TLK1: variants seen among roughly 807,000 people sequenced by gnomAD.
TLK1 encodes serine/threonine-protein kinase tousled-like 1.
A neutral mutation model predicts 105.3 loss-of-function variants in TLK1; 24 were observed. That is an observed-to-expected ratio of 0.23 (90% confidence interval 0.17 to 0.32). TLK1 has a LOEUF of 0.32. Among genes scored for constraint, TLK1 ranks in the 10% least tolerant of loss-of-function variants. The pLI is 1.00. For synonymous variants in TLK1, 321 were observed against 310.4 expected (o/e 1.03, Z -0.36); for missense variants, 558 against 910.5 (o/e 0.61, Z 4.98).
rs567813282 is a variant in TLK1, at chr2:171,115,424, C to T, written c.258+2315G>A. 3.9e-5 allele frequency among the ~76,000 whole-genome samples: 6 copies of T among 152,202 alleles called. No homozygotes were observed. In the South Asian group the frequency reaches 8.3e-4, roughly 21 times the overall value. ...CTGACCTCAGGTGACCCGCCCACCT[C>T]GGCCTCCCAAAGTGCTGGGATTACA... On this transcript the variant is annotated intron_variant, in intron 2 of 20. Coordinates refer to ENST00000431350, the MANE Select transcript of TLK1 (RefSeq NM_012290.5).
chr2:171,038,802 T>C (rs1270475616), intron 11 of TLK1, among the ~76,000 whole-genome samples: 5 of 152,206 alleles, frequency 3.3e-5, no homozygotes, highest in Non-Finnish European at 7.4e-5. Flanking sequence ...ATTCTGCAGA[T>C]GTTGGGAGGT....
intron 1 of TLK1, among the ~76,000 whole-genome samples, chr2:171,122,912 G>A (rs540721032): frequency 1.3e-5 from 2 of 151,980 alleles, no homozygotes; most frequent in East Asian, 1.9e-4. Flanking sequence ...GGTGGCGGAT[G>A]CCTGTAATCC....
chr2:171,146,163 A>G (rs900070174), intron 1 of TLK1, among the ~76,000 whole-genome samples: 1 of 152,190 alleles, frequency 6.6e-6, no homozygotes, highest in Admixed American at 6.5e-5. Context: ...TATACTCATT[A>G]AAGTATCATA....
At chr2:171,215,737 G>T (rs1475510546) in intron 1 of TLK1, among the ~76,000 whole-genome samples, 2 of 152,160 alleles carry the variant, frequency 1.3e-5, no homozygotes, top group South Asian at 4.1e-4. Flanking sequence ...GTCTGTCAGA[G>T]GCCAAGAAAG....
At chr2:171,204,185 A>AG (rs1693457212) in intron 1 of TLK1, among the ~76,000 whole-genome samples, 1 of 152,266 alleles carries the variant, frequency 6.6e-6, no homozygotes, top group Non-Finnish European at 1.5e-5. Context: ...GAGATCGATT[A>AG]GAATATTTCT....
At chr2:171,080,493 C>A (rs1017687154) in intron 3 of TLK1, among the ~76,000 whole-genome samples, 4 of 149,336 alleles carry the variant, frequency 2.7e-5, no homozygotes, top group Non-Finnish European at 4.4e-5. Context: ...ACAGATAAAA[C>A]CTGGGAATCA....
intron 2 of TLK1, among the ~76,000 whole-genome samples, chr2:171,109,199 A>G (rs1690058037): frequency 1.3e-5 from 2 of 152,244 alleles, no homozygotes; most frequent in South Asian, 4.1e-4. Context: ...CAGCTATTAG[A>G]TATGAAATGT....
At chr2:171,019,370 T>C (rs1575520340) in intron 12 of TLK1, among the ~76,000 whole-genome samples, 1 of 152,300 alleles carries the variant, frequency 6.6e-6, no homozygotes, top group African/African-American at 2.4e-5. Flanking sequence ...AAGAAAATGG[T>C]AGGTGAATCT....
chr2:171,024,033 T>C (rs1295568735), intron 12 of TLK1, among the ~76,000 whole-genome samples: 1 of 152,186 alleles, frequency 6.6e-6, no homozygotes, highest in Admixed American at 6.5e-5. Flanking sequence ...TTAGAAGCTT[T>C]GCCTCAAATT....
intron 1 of TLK1, among the ~76,000 whole-genome samples, chr2:171,184,873 C>T (rs970247953): frequency 4.6e-5 from 7 of 151,766 alleles, no homozygotes; most frequent in African/African-American, 1.7e-4. Context: ...GAGTCTTGCT[C>T]TGTCACCCAG....
At chr2:171,133,503 G>A (rs1164391606) in intron 1 of TLK1, among the ~76,000 whole-genome samples, 5 of 152,142 alleles carry the variant, frequency 3.3e-5, no homozygotes, top group Admixed American at 2.0e-4. Flanking sequence ...CAAGGCTGAG[G>A]CACGAGAACC....
At chr2:171,123,504 CATCTGTTAATACTG>C (rs1374697703) in intron 1 of TLK1, among the ~76,000 whole-genome samples, 3 of 152,204 alleles carry the variant, frequency 2.0e-5, no homozygotes, top group Non-Finnish European at 4.4e-5. Flanking sequence ...CGCCTGGCCT[CATCTGTTAATACTG>C]ATCTGCAGGC....
chr2:171,098,033 CA>C (rs1251516030), intron 2 of TLK1, among the ~76,000 whole-genome samples: 1 of 152,064 alleles, frequency 6.6e-6, no homozygotes, highest in East Asian at 1.9e-4. Context: ...TTAAATACTG[CA>C]TGATCTCACA....
At chr2:171,209,464 T>C (rs1320209838) in intron 1 of TLK1, among the ~76,000 whole-genome samples, 1 of 152,174 alleles carries the variant, frequency 6.6e-6, no homozygotes, top group South Asian at 2.1e-4. Flanking sequence ...CAAATATATA[T>C]TGGGTAAGAA....
At chr2:171,042,585 C>T (rs1686735804) in intron 11 of TLK1, among the ~76,000 whole-genome samples, 1 of 152,038 alleles carries the variant, frequency 6.6e-6, no homozygotes, top group Admixed American at 6.6e-5. Context: ...GACCACTTTC[C>T]ATACACCAAA....
At position 171,196,515 on chromosome 2, in the gene TLK1, T is replaced by A. The variant is rs557673951; in HGVS notation, c.-6+34630A>T. ...AAACATCAAACTCATGGGGATTTTT[T>A]AAAAATGTTCTCAAAAAATTGACAT... On this transcript the variant is annotated intron_variant, in intron 1 of 20. Coordinates refer to the TLK1 transcript ENST00000521943. Among the ~76,000 whole-genome samples, 13 of 152,308 alleles carry A rather than the reference T, an allele frequency of 8.5e-5. No homozygotes were observed. The East Asian group carries it at 9.6e-4, about 11-fold the overall frequency.
chr2:171,078,742 T>C (rs1198495566), intron 3 of TLK1, among the ~76,000 whole-genome samples: 1 of 152,198 alleles, frequency 6.6e-6, no homozygotes, highest in Non-Finnish European at 1.5e-5. Context: ...AAATACTAGT[T>C]AGAAGTCCTC....
rs185063170 is a variant in TLK1, at chr2:171,111,402, C to G, written c.258+6337G>C. Among the ~76,000 whole-genome samples the G allele has an allele frequency of 9.5e-4, 144 of 151,944 alleles. 1 individual carries two copies. The highest frequency in any genetic ancestry group is 1.0e-4 in the Non-Finnish European group (7 of 67,964). Reference sequence around the variant, plus strand: ...GTCTGGGTACATGGTAAAACCTGGTCTCCACAAAAAAAGTCCAGCAACAAC... The same window carrying G: ...GTCTGGGTACATGGTAAAACCTGGTGTCCACAAAAAAAGTCCAGCAACAAC... On this transcript the variant is annotated intron_variant, in intron 2 of 20. Transcript: ENST00000431350.
At position 171,118,673 on chromosome 2, in the gene TLK1, C is replaced by T. The variant is rs552881663; in HGVS notation, c.140-816G>A. Among the ~76,000 whole-genome samples the T allele has an allele frequency of 3.9e-5, 6 of 152,250 alleles. No individual in the cohort carries two copies. The East Asian group carries it at 9.6e-4, about 24-fold the overall frequency. On this transcript the variant is annotated intron_variant, in intron 1 of 20. Transcript: ENST00000431350. ...ACAAAAATTACTTTATCTATGTCTG[C>T]TAATTCTCTTCTAACAAAAACCCCA...
Sources: gnomAD v4.1 joint callset for allele counts (sites outside exome capture counted in the v4.1 genomes callset) on GRCh38, gnomAD v4.1.1 for gene constraint, MANE v1.5 for transcripts, NCBI Gene and HGNC (gene_info 2026-07-23, HGNC 2026-07-21) for gene names.